Variants in HUNK observed in about 807,000 individuals in gnomAD.
HUNK encodes hormonally up-regulated neu tumor-associated kinase.
A neutral mutation model predicts 61.0 loss-of-function variants in HUNK; 21 were observed. The ratio of observed to expected loss-of-function variants is 0.34; its 90% CI spans 0.24 to 0.50. The LOEUF is 0.50. HUNK is among the 20% of genes least tolerant of loss of function. The probability of loss-of-function intolerance (pLI) is 0.98; values close to 1 mark genes in which losing one functional copy is unlikely to be tolerated. For missense variants in HUNK, 772 were observed against 945.7 expected (o/e 0.82, Z 2.41); for synonymous variants, 371 against 386.1 (o/e 0.96, Z 0.46).
At chr21:31,952,386 C>G (rs2052856387) in intron 4 of HUNK, among the ~76,000 whole-genome samples, 1 of 152,212 alleles carries the variant, frequency 6.6e-6, no homozygotes, top group Non-Finnish European at 1.5e-5. Flanking sequence ...GTCCTCTTGG[C>G]TGCACTCTGT....
At chr21:31,946,584 C>T (rs1296802987) in intron 4 of HUNK, among the ~76,000 whole-genome samples, 1 of 152,024 alleles carries the variant, frequency 6.6e-6, no homozygotes, top group Non-Finnish European at 1.5e-5. Context: ...GTTCTTCAGA[C>T]ATATTGACCT....
chr21:31,920,445 T>C (rs1396129581), intron 1 of HUNK, among the ~76,000 whole-genome samples: 1 of 152,228 alleles, frequency 6.6e-6, no homozygotes, highest in Non-Finnish European at 1.5e-5. Context: ...TTTAGACTTG[T>C]TTGTTTACAG....
intron 7 of HUNK, among the ~76,000 whole-genome samples, chr21:31,977,841 C>T (rs1005699994): frequency 1.3e-5 from 2 of 152,168 alleles, no homozygotes; most frequent in African/African-American, 4.8e-5. Flanking sequence ...GCAGGAGGAT[C>T]GCTTGAGCCT....
chr21:31,968,089 T>C (rs2275970), intron 5 of HUNK, among the ~76,000 whole-genome samples, 161 bp from the exon 6 acceptor site: 3,392 of 152,024 alleles, frequency 0.022, 124 homozygotes, highest in African/African-American at 0.077. Flanking sequence ...AGCTCCACGA[T>C]TCATTGAATC....
intron 2 of HUNK, among the ~76,000 whole-genome samples, chr21:31,930,190 T>C (rs1333756860): frequency 6.6e-6 from 1 of 152,220 alleles, no homozygotes. Flanking sequence ...AAAGTGGCGC[T>C]GGGCAAATCG....
intron 4 of HUNK, among the ~76,000 whole-genome samples, chr21:31,948,223 G>A (rs1260760508): frequency 6.6e-6 from 1 of 152,136 alleles, no homozygotes; most frequent in African/African-American, 2.4e-5. Flanking sequence ...CTGTGGCCTC[G>A]CTGAAGGCAT....
chr21:31,974,783 T>C (rs1442530899), intron 7 of HUNK, 66 bp downstream of exon 7: 1 of 1,432,050 alleles, frequency 7.0e-7, no homozygotes, highest in Non-Finnish European at 9.4e-7. Context: ...ACACCCAAAG[T>C]GCTTCTCAGT....
At chr21:31,996,524 A>G (rs1185458201) in intron 10 of HUNK, among the ~76,000 whole-genome samples, 1 of 152,174 alleles carries the variant, frequency 6.6e-6, no homozygotes, top group Non-Finnish European at 1.5e-5. Flanking sequence ...TAACTGACAA[A>G]TATGTTTCCC....
At chr21:31,950,889 A>G (rs1017488596) in intron 4 of HUNK, among the ~76,000 whole-genome samples, 2 of 152,156 alleles carry the variant, frequency 1.3e-5, no homozygotes, top group Non-Finnish European at 2.9e-5. Flanking sequence ...CCCTCCCTGG[A>G]GGCTTTGGAC....
intron 2 of HUNK, among the ~76,000 whole-genome samples, chr21:31,928,600 G>A (rs1209015755): frequency 6.6e-6 from 1 of 152,176 alleles, no homozygotes; most frequent in Non-Finnish European, 1.5e-5. Flanking sequence ...GGACGATTTA[G>A]GAAGATTTTT....
At position 31,999,123 on chromosome 21, in the gene HUNK, A is replaced by C; in HGVS notation, c.2084A>C (p.Gln695Pro). The C allele has an allele frequency of 6.2e-7, 1 of 1,614,036 alleles. No homozygotes were observed. The highest frequency in any genetic ancestry group is 8.5e-7 in the Non-Finnish European group (1 of 1,179,950). The change falls in exon 11 of 11, where the codon CAG becomes CCG. Residue 695 changes from glutamine to proline, a missense_variant. Around this residue, in one of 2 missense-constraint regions of HUNK, gnomAD observed 413 missense variants for 444.4 expected, o/e 0.93. Coordinates refer to ENST00000270112, the MANE Select transcript of HUNK (RefSeq NM_014586.2). The part of the protein sequence containing the change: ...RPLEASLPPL[Q>P]PLAPVNLAFD... The stretch of plus-strand genomic sequence containing the variant: ...CTGGAGGCCAGCCTGCCCCCACTGC[A>C]GCCCCTAGCCCCTGTGAACCTTGCC...
At chr21:31,980,319 A>G (rs1174928609) in intron 7 of HUNK, among the ~76,000 whole-genome samples, 2 of 149,960 alleles carry the variant, frequency 1.3e-5, no homozygotes, top group African/African-American at 2.5e-5. Flanking sequence ...GTCTGCCCGC[A>G]TCGGCCTCCC....
At chr21:31,918,955 T>TTGAGGGGCTGGACTGAGCGGTATGAGGA (rs1568925088) in intron 1 of HUNK, among the ~76,000 whole-genome samples, 7 of 143,398 alleles carry the variant, frequency 4.9e-5, no homozygotes, top group Admixed American at 2.1e-4. Context: ...TGGTATGAGG[T>TTGAGGGGCTGGACTGAGCGGTATGAGGA]TGAGGGGCTG....
At chr21:31,877,993 T>C (rs912900519) in intron 1 of HUNK, among the ~76,000 whole-genome samples, 7 of 152,188 alleles carry the variant, frequency 4.6e-5, no homozygotes, top group African/African-American at 1.7e-4. Flanking sequence ...ACGTGGTGGC[T>C]CATGCCTGTA....
At chr21:31,990,421 CTT>C (rs747180104) in intron 9 of HUNK, among the ~76,000 whole-genome samples, 10 of 141,396 alleles carry the variant, frequency 7.1e-5, no homozygotes, top group Non-Finnish European at 9.2e-5. Context: ...AGACCTCATT[CTT>C]TTTTTTTTTT....
intron 1 of HUNK, among the ~76,000 whole-genome samples, chr21:31,892,939 C>G (rs1481522773): frequency 6.6e-6 from 1 of 150,784 alleles, no homozygotes; most frequent in Non-Finnish European, 1.5e-5. Flanking sequence ...ACCCTGCCCC[C>G]TGCCTCAAGG....
intron 1 of HUNK, among the ~76,000 whole-genome samples, chr21:31,875,734 C>T (rs1218624196): frequency 6.6e-6 from 1 of 152,188 alleles, no homozygotes; most frequent in Non-Finnish European, 1.5e-5. Context: ...AGGATTCAGG[C>T]TGGTTGTGCA....
chr21:31,907,036 G>A (rs926397049), intron 1 of HUNK, among the ~76,000 whole-genome samples: 81 of 152,206 alleles, frequency 5.3e-4, no homozygotes, highest in Admixed American at 5.1e-3. Context: ...TTAGCCTGGT[G>A]TGGTGGCAGG....
chr21:31,949,581 A>G (rs1329218909), intron 4 of HUNK, among the ~76,000 whole-genome samples: 2 of 152,140 alleles, frequency 1.3e-5, no homozygotes, highest in Non-Finnish European at 2.9e-5. Context: ...TTGTGCACAC[A>G]CACACACACA....
Sources: gnomAD v4.1 joint callset for allele counts (sites outside exome capture counted in the v4.1 genomes callset) on GRCh38, gnomAD v4.1.1 for gene constraint, gnomAD v4.1.1 regional missense constraint, MANE v1.5 for transcripts, NCBI Gene and HGNC (gene_info 2026-07-23, HGNC 2026-07-21) for gene names.